Variants in HGF observed in about 807,000 individuals in gnomAD.
HGF encodes fibroblast-derived tumor cytotoxic factor.
HGF carries 39 observed loss-of-function variants against 111.6 expected under a neutral mutation model. The ratio of observed to expected loss-of-function variants is 0.35; its 90% confidence interval spans 0.27 to 0.46. The LOEUF is 0.46. Ranked by LOEUF, HGF falls within the 20% of genes least tolerant of loss-of-function variation. HGF has a pLI of 1.00. For synonymous variants in HGF, 285 were observed against 294.8 expected (o/e 0.97, Z 0.34); for missense variants, 735 against 910.5 (o/e 0.81, Z 2.48).
intron 14 of HGF, among the ~76,000 whole-genome samples, chr7:81,707,002 A>G (rs565812585): frequency 2.6e-5 from 4 of 152,120 alleles, no homozygotes; most frequent in South Asian, 4.1e-4. Context: ...ATCTAGAAAT[A>G]CAGGGTACAA....
At position 81,711,615 on chromosome 7, in the gene HGF, T is replaced by G. The variant is rs1231260758; in HGVS notation, c.1406-96A>C. ...ATATTAAAATCCAAGTATCAATGAA[T>G]TCAGTAATTTACTAAAATTTTTGTT... On this transcript the variant is annotated intron_variant, in intron 11 of 17. Transcript: ENST00000222390. 4 of 562,078 alleles carry G rather than the reference T, an allele frequency of 7.1e-6. No homozygotes were observed. In the South Asian group the frequency reaches 9.7e-5, roughly 14 times the overall value. 34.8% of individuals were successfully genotyped at this position (562,078 alleles called of 1,614,324 possible).
At position 81,707,353 on chromosome 7, in the gene HGF, A is replaced by G. The variant is rs776754331; in HGVS notation, c.1553T>C (p.Ile518Thr). 6 of 1,592,150 alleles carry G rather than the reference A, an allele frequency of 3.8e-6. No homozygotes were observed. In the East Asian group the frequency reaches 1.1e-4, roughly 30 times the overall value. ...MVSLRYRNKH[I>T]CGGSLIKESW... Reference sequence around the variant, plus strand: ...CTCCTTTATCAATGATCCTCCGCAGATATGTTTATTTCTGTGAAAAAGAGG... The same window carrying G: ...CTCCTTTATCAATGATCCTCCGCAGGTATGTTTATTTCTGTGAAAAAGAGG... The change falls in exon 14 of 18, where the codon ATC becomes ACC. Residue 518 changes from isoleucine (I) to threonine (T), a missense_variant. By Grantham distance (89) the Ile-to-Thr change is moderately conservative. Around this residue, in one of 3 missense-constraint regions of HGF, gnomAD observed 553 missense variants for 685.6 expected, o/e 0.81. Coordinates refer to ENST00000222390, the MANE Select transcript of HGF (RefSeq NM_000601.6).
intron 7 of HGF, 56 bp from the exon 8 acceptor site, chr7:81,729,835 A>G: frequency 1.9e-6 from 3 of 1,548,336 alleles, no homozygotes. Flanking sequence ...TGAAGATGTC[A>G]TTTGCCTCTT....
chr7:81,744,133 A>G (rs1006314163), intron 6 of HGF, among the ~76,000 whole-genome samples: 1 of 152,210 alleles, frequency 6.6e-6, no homozygotes, highest in Non-Finnish European at 1.5e-5. Flanking sequence ...AGAATAGAGA[A>G]AAAGAACAAA....
chr7:81,736,815 C>T lies in HGF; in HGVS notation c.865+6538G>A, dbSNP rs537848629. On this transcript the variant is annotated intron_variant, in intron 7 of 17. Coordinates refer to ENST00000222390, the MANE Select transcript of HGF (RefSeq NM_000601.6). The stretch of plus-strand genomic sequence containing the variant: ...ATATAAGGTTAGAAATATAGATAGG[C>T]GGTAACAGATGGTTATGTTTTGTCA... 49 of 442,036 alleles carry T rather than the reference C, an allele frequency of 1.1e-4. No homozygotes were observed. The East Asian group carries it at 1.8e-3, about 16-fold the overall frequency. The allele number at this position is 442,036 out of a possible 1,614,324, so 27.4% of individuals were successfully genotyped here.
At chr7:81,720,700 T>G (rs1476857299) in intron 10 of HGF, 45 bp downstream of exon 10, 2 of 1,011,070 alleles carry the variant, frequency 2.0e-6, no homozygotes, top group Non-Finnish European at 3.2e-6. Flanking sequence ...CACAGTCTGT[T>G]GGTATCACTA....
At chr7:81,706,519 G>A (rs1160977664) in intron 14 of HGF, 92 bp from the exon 15 acceptor site, 1 of 1,017,500 alleles carries the variant, frequency 9.8e-7, no homozygotes, top group East Asian at 2.5e-5. Context: ...GACTATTAAG[G>A]CACATAACCT....
At chr7:81,708,051 AT>A (rs1025825084) in intron 13 of HGF, among the ~76,000 whole-genome samples, 2 of 151,716 alleles carry the variant, frequency 1.3e-5, no homozygotes, top group Admixed American at 6.6e-5. Context: ...CTGTAAATCC[AT>A]TTTTTTTGGC....
chr7:81,734,600 A>C (rs1472499063), intron 7 of HGF, among the ~76,000 whole-genome samples: 5 of 152,042 alleles, frequency 3.3e-5, no homozygotes, highest in Non-Finnish European at 7.4e-5. Context: ...CTTGCCTCCC[A>C]ACAGAGACCA....
intron 5 of HGF, chr7:81,750,826 T>C (rs1326946083): frequency 1.5e-5 from 6 of 393,916 alleles, no homozygotes; most frequent in African/African-American, 6.6e-5. Flanking sequence ...GGGTTTTTTT[T>C]CTTCCATGTG....
At position 81,706,716 on chromosome 7, in the gene HGF, T is replaced by G. The variant is rs5745749; in HGVS notation, c.1617-289A>C. The stretch of plus-strand genomic sequence containing the variant: ...AAATGCTCAGGTAAAGCACTTTACA[T>G]GAATTATAATTTTTTCTGCAAATTT... On this transcript the variant is annotated intron_variant, in intron 14 of 17. Coordinates refer to ENST00000222390, the MANE Select transcript of HGF (RefSeq NM_000601.6). 0.012 allele frequency among the ~76,000 whole-genome samples: 1,764 copies of G among 152,088 alleles called. 40 individuals are homozygous for G. The highest frequency in any genetic ancestry group is 0.041 in the African/African-American group (1,692 of 41,520).
intron 4 of HGF, among the ~76,000 whole-genome samples, chr7:81,753,879 C>T (rs1269569672): frequency 3.3e-5 from 5 of 151,884 alleles, no homozygotes; most frequent in Non-Finnish European, 2.9e-5. Flanking sequence ...TTCACAATTC[C>T]TAACAGTAAA....
Position 81,769,885 on chromosome 7 carries a change from T to C in HGF, c.87A>G (p.Ala29=). The C allele has an allele frequency of 1.3e-6, 2 of 1,562,746 alleles. No individual in the cohort carries two copies. The highest frequency in any genetic ancestry group is 1.7e-6 in the Non-Finnish European group (2 of 1,152,224). Reference sequence around the variant, plus strand: ...ATGAAGAAGAAGAAGGGAACTAACCTGCATAGGGGATGGCGATGGGGAGCA... The same window carrying C: ...ATGAAGAAGAAGAAGGGAACTAACCCGCATAGGGGATGGCGATGGGGAGCA... ...LLLLPIAIPY[A]EGQRKRRNTI... Residue 29 remains alanine (A), a splice_region_variant and synonymous_variant, in exon 1 of 18, where the codon GCA becomes GCG. Transcript: ENST00000222390.
At chr7:81,739,291 C>T (rs565589690) in intron 7 of HGF, among the ~76,000 whole-genome samples, 1 of 152,236 alleles carries the variant, frequency 6.6e-6, no homozygotes, top group African/African-American at 2.4e-5. Context: ...TTATTTCTTA[C>T]TGGCCTGTGT....
chr7:81,763,222 C>T (rs5745627), intron 1 of HGF, among the ~76,000 whole-genome samples: 1 of 152,078 alleles, frequency 6.6e-6, no homozygotes, highest in South Asian at 2.1e-4. Flanking sequence ...TCATATCATG[C>T]TTTATAATTA....
chr7:81,706,067 G>A (rs1261189214), intron 15 of HGF, among the ~76,000 whole-genome samples: 1 of 151,730 alleles, frequency 6.6e-6, no homozygotes, highest in Non-Finnish European at 1.5e-5. Context: ...CAGACTGTTG[G>A]CCCAATGTTA....
In HGF at chr7:81,729,629, A is replaced by G; in HGVS notation, c.1016T>C (p.Met339Thr). 2 of 1,613,962 alleles carry G rather than the reference A, an allele frequency of 1.2e-6. No individual in the cohort carries two copies. The highest frequency in any genetic ancestry group is 1.7e-6 in the Non-Finnish European group (2 of 1,179,830). The change falls in exon 8 of 18, where the codon ATG (methionine) becomes ACG (threonine). Residue 339 changes from methionine (M) to threonine (T), a missense_variant. Around this residue, in one of 3 missense-constraint regions of HGF, gnomAD observed 553 missense variants for 685.6 expected, o/e 0.81. Coordinates refer to ENST00000222390, the MANE Select transcript of HGF (RefSeq NM_000601.6). ...CTTGCACTTGAAATTTTCAGGAGTC[A>G]TGTCATGCTCGTGAGGATACTGAGA... ...WDSQYPHEHD[M>T]TPENFKCKDL...
At chr7:81,732,894 T>C (rs1424687429) in intron 7 of HGF, among the ~76,000 whole-genome samples, 1 of 152,184 alleles carries the variant, frequency 6.6e-6, no homozygotes, top group Non-Finnish European at 1.5e-5. Flanking sequence ...CTTTAAAATA[T>C]ACAGGAAAAT....
intron 6 of HGF, among the ~76,000 whole-genome samples, chr7:81,744,518 T>A (rs1213187566): frequency 1.3e-5 from 2 of 152,164 alleles, no homozygotes; most frequent in African/African-American, 4.8e-5. Flanking sequence ...TGGCCTGCAG[T>A]ACCTGAGTCT....
Sources: gnomAD v4.1 joint callset for allele counts (sites outside exome capture counted in the v4.1 genomes callset) on GRCh38, gnomAD v4.1.1 for gene constraint, gnomAD v4.1.1 regional missense constraint, MANE v1.5 for transcripts, NCBI Gene and HGNC (gene_info 2026-07-23, HGNC 2026-07-21) for gene names.